NIPBL: variants seen among roughly 807,000 people sequenced by gnomAD.
The protein encoded by NIPBL is nipped-B-like protein.
In NIPBL, 19 loss-of-function variants were observed where a neutral mutation model predicts 321.8. That is an observed-to-expected ratio of 0.06 (90% confidence interval 0.04 to 0.09). The LOEUF is 0.09. Ranked by LOEUF, NIPBL falls within the 10% of genes least tolerant of loss-of-function variation. The pLI is 1.00. For synonymous variants in NIPBL, 1,106 were observed against 1,114.1 expected (o/e 0.99, Z 0.14); for missense variants, 2,210 against 3,327.0 (o/e 0.66, Z 8.26).
intron 1 of NIPBL, among the ~76,000 whole-genome samples, chr5:36,917,566 A>C (rs1748569740): frequency 6.6e-6 from 1 of 152,174 alleles, no homozygotes; most frequent in African/African-American, 2.4e-5. Flanking sequence ...GGTAAATGAC[A>C]TGTCATTTAG....
chr5:36,907,995 A>G (rs1184152888), intron 1 of NIPBL, among the ~76,000 whole-genome samples: 1 of 152,192 alleles, frequency 6.6e-6, no homozygotes, highest in Non-Finnish European at 1.5e-5. Context: ...AAAAGGAAGT[A>G]TTTTAGAGCT....
chr5:36,914,458 A>G (rs1418079893), intron 1 of NIPBL, among the ~76,000 whole-genome samples: 1 of 152,234 alleles, frequency 6.6e-6, no homozygotes, highest in African/African-American at 2.4e-5. Context: ...ACGTGGTGCC[A>G]CAAGTAGAAA....
intron 1 of NIPBL, among the ~76,000 whole-genome samples, chr5:36,898,478 G>A (rs1451345856): frequency 6.6e-6 from 1 of 151,286 alleles, no homozygotes; most frequent in Non-Finnish European, 1.5e-5. Context: ...GAAACAAGAG[G>A]AAGAAGAAAT....
At chr5:36,968,047 G>C (rs1175008440) in intron 6 of NIPBL, among the ~76,000 whole-genome samples, 1 of 133,872 alleles carries the variant, frequency 7.5e-6, no homozygotes, top group Non-Finnish European at 1.5e-5. Flanking sequence ...AGTGAGCTGA[G>C]ATCACGCCAC....
chr5:36,922,889 A>C (rs993232367), intron 1 of NIPBL, among the ~76,000 whole-genome samples: 1 of 152,098 alleles, frequency 6.6e-6, no homozygotes. Context: ...TGAACTACAG[A>C]TTTCTTTTCT....
At chr5:37,025,589 T>A (rs1038960668) in intron 30 of NIPBL, among the ~76,000 whole-genome samples, 1 of 152,136 alleles carries the variant, frequency 6.6e-6, no homozygotes, top group Non-Finnish European at 1.5e-5. Context: ...TAAAATTTAG[T>A]GTTCAGTAGC....
chr5:36,930,590 A>G (rs541844559), intron 1 of NIPBL, among the ~76,000 whole-genome samples: 80 of 152,178 alleles, frequency 5.3e-4, no homozygotes, highest in African/African-American at 1.8e-3. Flanking sequence ...TTGCTGTACT[A>G]ACTAAAACCT....
chr5:36,915,732 A>G (rs556506761), intron 1 of NIPBL, among the ~76,000 whole-genome samples: 1 of 152,224 alleles, frequency 6.6e-6, no homozygotes, highest in South Asian at 2.1e-4. Context: ...TTAATCTCTG[A>G]CCTTTGGTTT....
chr5:37,051,747 T>G, intron 40 of NIPBL, 32 bp from the exon 41 acceptor site: 1 of 1,460,394 alleles, frequency 6.8e-7, no homozygotes, highest in Non-Finnish European at 9.6e-7. Context: ...TTTACTACCA[T>G]GATATCTCGT....
intron 1 of NIPBL, among the ~76,000 whole-genome samples, chr5:36,928,923 T>C (rs867233470): frequency 6.6e-5 from 10 of 152,222 alleles, no homozygotes; most frequent in East Asian, 1.9e-4. Flanking sequence ...TAGATACTTA[T>C]ATAATTTCCA....
At chr5:36,943,627 T>A (rs1387075277) in intron 1 of NIPBL, among the ~76,000 whole-genome samples, 1 of 151,996 alleles carries the variant, frequency 6.6e-6, no homozygotes, top group African/African-American at 2.4e-5. Flanking sequence ...ATTAGATAAT[T>A]GGATATGAGT....
At chr5:36,979,681 T>C (rs1561107598) in intron 9 of NIPBL, among the ~76,000 whole-genome samples, 1 of 151,768 alleles carries the variant, frequency 6.6e-6, no homozygotes, top group South Asian at 2.1e-4. Context: ...CTCTTCTCTT[T>C]AGTTTGCAGT....
At chr5:37,061,578 C>T (rs1754679911) in intron 45 of NIPBL, among the ~76,000 whole-genome samples, 1 of 152,088 alleles carries the variant, frequency 6.6e-6, no homozygotes, top group South Asian at 2.1e-4. Flanking sequence ...ACTCAGGAGG[C>T]TGAGGCAGGA....
chr5:36,905,892 G>A (rs1237124787), intron 1 of NIPBL, among the ~76,000 whole-genome samples: 3 of 151,752 alleles, frequency 2.0e-5, no homozygotes, highest in Admixed American at 2.0e-4. Context: ...ACAGGCACCC[G>A]CCACCACACC....
intron 42 of NIPBL, among the ~76,000 whole-genome samples, chr5:37,056,304 G>A (rs1754086156): frequency 6.6e-6 from 1 of 152,060 alleles, no homozygotes; most frequent in Non-Finnish European, 1.5e-5. Context: ...TGCTGCTGCT[G>A]TTGGGTTTTA....
Position 37,027,480 on chromosome 5 carries a change from T to C in NIPBL, c.5862+68T>C. On this transcript the variant is annotated intron_variant, in intron 32 of 46. Transcript: ENST00000282516. Reference sequence around the variant, plus strand: ...TTAGTTTTTTGTTGTTGGTGTTTTTTTTTTTTTGGACTGTATGATTTAAAA... The same window carrying C: ...TTAGTTTTTTGTTGTTGGTGTTTTTCTTTTTTTGGACTGTATGATTTAAAA... The C allele has an allele frequency of 3.3e-6, 4 of 1,210,366 alleles. No homozygotes were observed. The South Asian group carries it at 5.0e-5, about 15-fold the overall frequency. The allele number at this position is 1,210,366 out of a possible 1,614,324, so 75.0% of individuals were successfully genotyped here. A position where few individuals can be genotyped will look rare whatever the true frequency, so the allele number is the denominator to read the frequency against.
At chr5:37,002,631 TTGTTTG>T in intron 14 of NIPBL, 25 bp from the exon 15 acceptor site, 1 of 1,352,480 alleles carries the variant, frequency 7.4e-7, no homozygotes. Context: ...TACCTAAACT[TTGTTTG>T]TGTTTGTTTG....
chr5:36,954,917 A>G (rs1235939516), intron 2 of NIPBL: 2 of 153,296 alleles, frequency 1.3e-5, no homozygotes, highest in African/African-American at 4.8e-5. Flanking sequence ...TGCTATTAGA[A>G]GAGAATAAGT....
chr5:36,897,165 G>GA (rs775833090), intron 1 of NIPBL, among the ~76,000 whole-genome samples: 1 of 151,916 alleles, frequency 6.6e-6, no homozygotes, highest in African/African-American at 2.4e-5. Context: ...AGCACACCTG[G>GA]CTAATTTTTT....
Sources: allele counts gnomAD v4.1 joint callset (sites outside exome capture counted in the v4.1 genomes callset), GRCh38; gene constraint gnomAD v4.1.1; transcripts MANE v1.5; gene names NCBI Gene and HGNC (gene_info 2026-07-23, HGNC 2026-07-21).